SLC24A1: variants seen among roughly 807,000 people sequenced by gnomAD.
SLC24A1 encodes solute carrier family 24 member 1.
In SLC24A1, 52 loss-of-function variants were observed where a neutral mutation model predicts 88.1. The ratio of observed to expected loss-of-function variants is 0.59; its 90% confidence interval spans 0.47 to 0.74. The LOEUF is 0.74. Among genes scored for constraint, SLC24A1 ranks in the 30% least tolerant of loss-of-function variants. SLC24A1 has a pLI of 0.00. For synonymous variants in SLC24A1, 455 were observed against 498.0 expected, an observed-to-expected ratio of 0.91 and a Z score of 1.15; for missense variants, 1,173 against 1,363.3, an observed-to-expected ratio of 0.86 and a Z score of 2.20.
intron 6 of SLC24A1, among the ~76,000 whole-genome samples, chr15:65,647,502 G>A (rs1051825079): frequency 1.4e-5 from 2 of 145,548 alleles, no homozygotes; most frequent in Non-Finnish European, 1.5e-5. Context: ...AAAAAAAAGA[G>A]AGAGACAGAG....
chr15:65,651,132 G>A (rs1446456795), intron 7 of SLC24A1, among the ~76,000 whole-genome samples, 190 bp downstream of exon 7: 3 of 152,096 alleles, frequency 2.0e-5, no homozygotes, highest in Admixed American at 2.0e-4. Context: ...CATACCACTG[G>A]GACTGGGAGG....
rs185222143 is a variant in SLC24A1 at position 65,633,432 on chromosome 15, G to A, written c.1891-4696G>A. Among the ~76,000 whole-genome samples, 350 of 152,292 alleles carry A rather than the reference G, an allele frequency of 2.3e-3. 1 individual carries two copies. The highest frequency in any genetic ancestry group is 4.8e-3 in the Admixed American group (74 of 15,296). Reference sequence around the variant, plus strand: ...TCCAGCACTTTGGGAGGCTGAGGTGGGTGGATCATCTGAGGTCAGGAGTTT... The same window carrying A: ...TCCAGCACTTTGGGAGGCTGAGGTGAGTGGATCATCTGAGGTCAGGAGTTT... On this transcript the variant is annotated intron_variant, in intron 2 of 9. Coordinates refer to ENST00000261892, the MANE Select transcript of SLC24A1 (RefSeq NM_004727.3).
chr15:65,615,170 G>A (rs2074096702), intron 2 of SLC24A1, among the ~76,000 whole-genome samples: 1 of 152,170 alleles, frequency 6.6e-6, no homozygotes. Context: ...CTGTGATTGT[G>A]TCACTGCACT....
At chr15:65,641,436 C>A (rs1445696424) in intron 4 of SLC24A1, among the ~76,000 whole-genome samples, 1 of 151,838 alleles carries the variant, frequency 6.6e-6, no homozygotes, top group Non-Finnish European at 1.5e-5. Context: ...AGTGATGAAA[C>A]CTTCCTTAGG....
In SLC24A1 at chr15:65,652,788, C is replaced by T; in HGVS notation, c.3030C>T (p.Asn1010=). The part of the protein sequence containing the change: ...DMAVSSSVGS[N]IFDITVGLPV... ...CTGTGTCAAGCTCTGTGGGCAGTAACATATTTGATATCACTGTGGGGTGAG... is the reference window on the plus strand; with the variant it reads ...CTGTGTCAAGCTCTGTGGGCAGTAATATATTTGATATCACTGTGGGGTGAG... The change falls in exon 9 of 10, where the codon AAC becomes AAT. Residue 1010 remains asparagine, a synonymous_variant. Coordinates refer to ENST00000261892, the MANE Select transcript of SLC24A1 (RefSeq NM_004727.3). 3.7e-6 allele frequency: 6 copies of T among 1,608,726 alleles called. No individual in the cohort carries two copies. Among genetic ancestry groups the T allele is most frequent in the Non-Finnish European group, 5.1e-6 (6 of 1,175,780 alleles).
chr15:65,631,309 C>T (rs891658631), intron 2 of SLC24A1, among the ~76,000 whole-genome samples: 2 of 152,084 alleles, frequency 1.3e-5, no homozygotes, highest in Admixed American at 1.3e-4. Flanking sequence ...AAATATGCAA[C>T]CAACAGAATT....
intron 5 of SLC24A1, among the ~76,000 whole-genome samples, chr15:65,644,764 C>T (rs781342217): frequency 1.2e-4 from 19 of 152,202 alleles, no homozygotes; most frequent in Non-Finnish European, 1.5e-4. Context: ...GCTTCCTCTC[C>T]GTTTTCCACA....
intron 2 of SLC24A1, among the ~76,000 whole-genome samples, chr15:65,630,965 T>A (rs2074703929): frequency 6.6e-6 from 1 of 152,000 alleles, no homozygotes; most frequent in Non-Finnish European, 1.5e-5. Flanking sequence ...AGCAAGACTC[T>A]GTCTCAAAAC....
intron 2 of SLC24A1, among the ~76,000 whole-genome samples, chr15:65,630,319 A>T (rs1048387207): frequency 1.3e-5 from 2 of 152,108 alleles, no homozygotes; most frequent in Non-Finnish European, 2.9e-5. Flanking sequence ...AAATTAAACC[A>T]ATCAACAAGA....
Position 65,624,719 on chromosome 15 carries a change from G to A in SLC24A1, c.639G>A (p.Ala213=), listed in dbSNP as rs781442429. The A allele has an allele frequency of 1.2e-5, 19 of 1,611,682 alleles. No individual in the cohort carries two copies. Among genetic ancestry groups the A allele is most frequent in the East Asian group, 6.7e-5 (3 of 44,826 alleles). The change falls in exon 2 of 10, where the codon GCG becomes GCA. Residue 213 remains alanine (A), a synonymous_variant. Coordinates refer to ENST00000261892, the MANE Select transcript of SLC24A1 (RefSeq NM_004727.3). ...STFMTMETSH[A]ITPRTTVKDS... is the part of the protein sequence containing the mutation. ...TCATGACAATGGAAACAAGCCATGCGATCACCCCCAGGACAACAGTGAAAG... is the reference window on the plus strand; with the variant it reads ...TCATGACAATGGAAACAAGCCATGCAATCACCCCCAGGACAACAGTGAAAG...
intron 3 of SLC24A1, among the ~76,000 whole-genome samples, chr15:65,639,277 G>T (rs1384265500): frequency 1.3e-5 from 2 of 152,198 alleles, no homozygotes; most frequent in African/African-American, 4.8e-5. Flanking sequence ...GTGAGGGAGT[G>T]TTTCTGAGGG....
chr15:65,650,283 T>C lies in SLC24A1; in HGVS notation c.2233-99T>C. The stretch of plus-strand genomic sequence containing the variant: ...TTCTCCTCATACTTAAGTTTTCAGA[T>C]ACCTTCTGAGAAGCACGCCAACAAA... On this transcript the variant is annotated intron_variant, in intron 6 of 9. Transcript: ENST00000261892. This position sits in a 1 kb window ranked among gnomAD's most constrained non-coding sequence, Gnocchi z 4.1. 3 of 963,540 alleles carry C rather than the reference T, an allele frequency of 3.1e-6. No individual in the cohort carries two copies. The highest frequency in any genetic ancestry group is 5.3e-5 in the East Asian group (2 of 38,032). 59.7% of individuals were successfully genotyped at this position (963,540 alleles called of 1,614,324 possible).
Position 65,653,902 on chromosome 15 carries a change from G to A in SLC24A1, c.3123G>A (p.Leu1041=). 1.2e-6 allele frequency: 2 copies of A among 1,613,954 alleles called. No homozygotes were observed. The highest frequency in any genetic ancestry group is 1.3e-5 in the African/African-American group (1 of 75,030). The change falls in exon 10 of 10, where the codon TTG becomes TTA. Residue 1041 remains leucine (L), a synonymous_variant. Coordinates refer to ENST00000261892, the MANE Select transcript of SLC24A1 (RefSeq NM_004727.3). ...LQPVPVSSNG[L]FCAIVLLFLM... ...CAGTTCCAGTCAGCAGCAATGGCTT[G>A]TTTTGTGCAATTGTTTTGCTTTTTC...
chr15:65,634,845 T>A (rs1343965677), intron 2 of SLC24A1, among the ~76,000 whole-genome samples: 1 of 151,970 alleles, frequency 6.6e-6, no homozygotes, highest in East Asian at 1.9e-4. Context: ...AAGACAGGGT[T>A]CTGTCACCAT....
chr15:65,628,876 C>G (rs2074608542), intron 2 of SLC24A1, among the ~76,000 whole-genome samples: 1 of 152,184 alleles, frequency 6.6e-6, no homozygotes, highest in Admixed American at 6.5e-5. Flanking sequence ...CAAAGTGCTA[C>G]AAAGCCACTT....
At chr15:65,649,778 A>G (rs1289344056) in intron 6 of SLC24A1, among the ~76,000 whole-genome samples, 2 of 152,252 alleles carry the variant, frequency 1.3e-5, no homozygotes, top group Non-Finnish European at 2.9e-5. Flanking sequence ...GAGTTTTAGT[A>G]GACTCAGCAA....
chr15:65,628,879 A>G (rs1455678450), intron 2 of SLC24A1, among the ~76,000 whole-genome samples: 1 of 152,258 alleles, frequency 6.6e-6, no homozygotes, highest in Non-Finnish European at 1.5e-5. Flanking sequence ...AGTGCTACAA[A>G]GCCACTTTGC....
rs745950046 is a variant in SLC24A1 at position 65,625,639 on chromosome 15, A to G, written c.1559A>G (p.His520Arg). 6 of 1,613,816 alleles carry G rather than the reference A, an allele frequency of 3.7e-6. No homozygotes were observed. The highest frequency in any genetic ancestry group is 4.2e-6 in the Non-Finnish European group (5 of 1,179,868). Reference protein sequence around the residue: ...FTSLIGVFISHSNVGIGTIVG... With the variant: ...FTSLIGVFISRSNVGIGTIVG... ...TCCCTCATCGGTGTCTTCATTTCCC[A>G]CAGCAACGTGGGCATTGGTACCATT... The change falls in exon 2 of 10, where the codon CAC becomes CGC. Residue 520 changes from histidine to arginine, a missense_variant. His to Arg is a conservative substitution (Grantham distance 29, BLOSUM62 0). Coordinates refer to ENST00000261892, the MANE Select transcript of SLC24A1 (RefSeq NM_004727.3).
At chr15:65,630,416 A>T (rs1249576933) in intron 2 of SLC24A1, among the ~76,000 whole-genome samples, 1 of 152,068 alleles carries the variant, frequency 6.6e-6, no homozygotes, top group Admixed American at 6.5e-5. Flanking sequence ...GGCTTCTATC[A>T]GTGACCTATA....
Sources: allele counts gnomAD v4.1 joint callset (sites outside exome capture counted in the v4.1 genomes callset), GRCh38; gene constraint gnomAD v4.1.1; non-coding constraint Gnocchi (gnomAD v3.1); transcripts MANE v1.5; gene names NCBI Gene and HGNC (gene_info 2026-07-23, HGNC 2026-07-21).